EGFL6: variants seen among roughly 807,000 people sequenced by gnomAD.
EGFL6 encodes epidermal growth factor-like protein 6.
In EGFL6, 42 loss-of-function variants were observed where a neutral mutation model predicts 43.1. That is an observed-to-expected ratio of 0.98 (90% CI 0.76 to 1.26). The LOEUF is 1.26. Among genes scored for constraint, EGFL6 ranks in the 50% most tolerant of loss-of-function variants. EGFL6 has a pLI of 0.00. For missense variants in EGFL6, 429 were observed against 427.8 expected, an observed-to-expected ratio of 1.00 and a Z score of -0.02; for synonymous variants, 164 against 163.2, an observed-to-expected ratio of 1.01 and a Z score of -0.04.
chrX:13,579,153 T>A (rs1476175228), intron 1 of EGFL6, among the ~76,000 whole-genome samples: 3 of 109,689 alleles, frequency 2.7e-5, no homozygotes, highest in African/African-American at 1.0e-4. Context: ...ATAGATAAAT[T>A]CACGTCATGG....
intron 3 of EGFL6, among the ~76,000 whole-genome samples, chrX:13,599,300 A>G (rs909172461): frequency 1.8e-5 from 2 of 111,935 alleles, no homozygotes; most frequent in Non-Finnish European, 3.8e-5. Flanking sequence ...ACTAGTATCT[A>G]GATCAAAAGC....
chrX:13,633,067 C>T lies in EGFL6; in HGVS notation c.1634C>T (p.Pro545Leu), dbSNP rs2045822343. The T allele has an allele frequency of 8.3e-7, 1 of 1,200,608 alleles. No homozygotes were observed. The highest frequency in any genetic ancestry group is 1.1e-6 in the Non-Finnish European group (1 of 891,497). Residue 545 changes from proline to leucine, a missense_variant, in exon 12 of 12, where the codon CCA (proline) becomes CTA (leucine). Physicochemically the swap from Pro to Leu is moderately conservative, Grantham distance 98. Coordinates refer to ENST00000361306, the MANE Select transcript of EGFL6 (RefSeq NM_015507.4). ...GTCTTGCTTGTTTCAGGCTTATGTC[C>T]AGATAGCCTTTTATCTGTGGATGAC... ...DGVLLVSGLC[P>L]DSLLSVDD
intron 3 of EGFL6, among the ~76,000 whole-genome samples, chrX:13,596,967 C>A (rs911382087): frequency 8.9e-6 from 1 of 112,086 alleles, no homozygotes; most frequent in Non-Finnish European, 1.9e-5. Context: ...TATAGATCAG[C>A]AGATTTCAAC....
In EGFL6 at chrX:13,623,843, C is replaced by CT; in HGVS notation, c.1204dup (p.Cys402LeufsTer9). The CT allele has an allele frequency of 8.3e-7, 1 of 1,207,570 alleles. No homozygotes were observed. The highest frequency in any genetic ancestry group is 1.1e-6 in the Non-Finnish European group (1 of 892,005). ...TAGCAGATTTAAATATCTCGGTTGA[C>CT]TGCAGCTTCAATCATGGGATCTGTG... On this transcript the variant is annotated frameshift_variant, in exon 10 of 12. Transcript: ENST00000361306. LOFTEE classifies it high-confidence loss of function.
At chrX:13,613,161 T>C (rs1055054695) in intron 7 of EGFL6, among the ~76,000 whole-genome samples, 1 of 101,026 alleles carries the variant, frequency 9.9e-6, no homozygotes, top group Non-Finnish European at 1.9e-5. Flanking sequence ...TATATACATA[T>C]ATATATATAT....
intron 2 of EGFL6, among the ~76,000 whole-genome samples, chrX:13,594,586 T>A (rs1316721241): frequency 8.9e-6 from 1 of 111,801 alleles, no homozygotes; most frequent in Non-Finnish European, 1.9e-5. Context: ...CTCTTCCAGT[T>A]CCAACATTAT....
At chrX:13,611,336 T>C (rs1271820433) in intron 7 of EGFL6, among the ~76,000 whole-genome samples, 1 of 111,943 alleles carries the variant, frequency 8.9e-6, no homozygotes, top group Non-Finnish European at 1.9e-5. Context: ...ATCATTTCAA[T>C]CAGCTGTTTG....
rs2146705431 is a variant in EGFL6, at chrX:13,619,249, T to C, written c.1183+6T>C. On this transcript the variant is annotated splice_donor_region_variant and intron_variant, in intron 9 of 11. Transcript: ENST00000361306. Reference sequence around the variant, plus strand: ...TTCCAAACTGGAACATAAAGGTAAATAATTCTTTCTCCCAAGTGTATGCTC... The same window carrying C: ...TTCCAAACTGGAACATAAAGGTAAACAATTCTTTCTCCCAAGTGTATGCTC... 8.4e-7 allele frequency: 1 copy of C among 1,193,482 alleles called. No homozygotes were observed. The highest frequency in any genetic ancestry group is 3.0e-5 in the East Asian group (1 of 33,797).
rs757047252 is a variant in EGFL6 at position 13,569,826 on chromosome X, G to C, written c.-36G>C. On this transcript the variant is annotated 5_prime_UTR_variant, in exon 1 of 12. Coordinates refer to ENST00000361306, the MANE Select transcript of EGFL6 (RefSeq NM_015507.4). ...GGGGTCCGGCCGGCGCCCTCCCGAG[G>C]GGGGCTCAGGAGGAGGAAGGAGGAC... The C allele has an allele frequency of 2.4e-5, 29 of 1,196,354 alleles. No individual in the cohort carries two copies. In the African/African-American group the frequency reaches 4.5e-4, roughly 19 times the overall value.
At chrX:13,617,693 T>C in intron 7 of EGFL6, 37 bp from the exon 8 acceptor site, 1 of 1,098,719 alleles carries the variant, frequency 9.1e-7, no homozygotes. Flanking sequence ...TTTAATTATC[T>C]TCCAATTTGG....
intron 7 of EGFL6, 118 bp from the exon 8 acceptor site, chrX:13,617,612 A>G (rs1222411574): frequency 1.7e-6 from 1 of 576,016 alleles, no homozygotes. Flanking sequence ...GTAGAGCCTC[A>G]TGTGGGTTCA....
intron 11 of EGFL6, among the ~76,000 whole-genome samples, chrX:13,628,012 G>C (rs1390608734): frequency 9.0e-6 from 1 of 111,664 alleles, no homozygotes; most frequent in Admixed American, 9.5e-5. Context: ...CTGCATAGCT[G>C]ACTTTAGTTA....
chrX:13,595,368 T>C (rs979787944), intron 3 of EGFL6, among the ~76,000 whole-genome samples: 1 of 112,131 alleles, frequency 8.9e-6, no homozygotes, highest in African/African-American at 3.2e-5. Flanking sequence ...TAGTTTTTAC[T>C]ATAAGCATAG....
chrX:13,579,820 C>T (rs148833540), intron 1 of EGFL6, among the ~76,000 whole-genome samples: 1,412 of 110,708 alleles, frequency 0.013, 17 homozygotes, highest in African/African-American at 0.044. Flanking sequence ...GCTTCCAAGA[C>T]GGCGTACTCA....
intron 7 of EGFL6, among the ~76,000 whole-genome samples, chrX:13,615,224 T>C (rs1197556719): frequency 2.7e-5 from 3 of 112,953 alleles, no homozygotes; most frequent in Non-Finnish European, 1.9e-5. Context: ...TCTGTTTACA[T>C]ACTAAGAGAA....
intron 7 of EGFL6, 125 bp from the exon 8 acceptor site, chrX:13,617,605 G>T: frequency 1.8e-6 from 1 of 544,048 alleles, no homozygotes; most frequent in South Asian, 3.3e-5. Flanking sequence ...TCAAATAGTA[G>T]AGCCTCATGT....
chrX:13,591,972 A>T (rs2045565845), intron 2 of EGFL6, among the ~76,000 whole-genome samples: 1 of 112,159 alleles, frequency 8.9e-6, no homozygotes, highest in Non-Finnish European at 1.9e-5. Context: ...TACTTTGTCT[A>T]AATCATGCTT....
intron 9 of EGFL6, among the ~76,000 whole-genome samples, chrX:13,622,912 C>T (rs1055487391): frequency 8.9e-6 from 1 of 111,801 alleles, no homozygotes; most frequent in Non-Finnish European, 1.9e-5. Context: ...AGGCCAGGCA[C>T]GGTGGCTCAC....
intron 7 of EGFL6, among the ~76,000 whole-genome samples, chrX:13,615,928 T>C (rs2045715392): frequency 9.0e-6 from 1 of 111,238 alleles, no homozygotes; most frequent in Non-Finnish European, 1.9e-5. Context: ...AAAATCCCAC[T>C]CCAATTTTTT....
Sources: allele counts gnomAD v4.1 joint callset (sites outside exome capture counted in the v4.1 genomes callset), GRCh38; gene constraint gnomAD v4.1.1; transcripts MANE v1.5; gene names NCBI Gene and HGNC (gene_info 2026-07-23, HGNC 2026-07-21).